Variants in ZNF536 observed in about 807,000 individuals in gnomAD.
ZNF536 encodes zinc finger protein 536.
Under a neutral mutation model 84.5 loss-of-function variants are expected in ZNF536, and 13 were observed. The observed-to-expected ratio is 0.15, with a 90% CI of 0.10 to 0.24. The LOEUF (loss-of-function observed/expected upper bound fraction) is 0.24. ZNF536 is among the 10% of genes least tolerant of loss of function. ZNF536 has a pLI of 1.00. For synonymous variants in ZNF536, 811 were observed against 742.5 expected (o/e 1.09, Z -1.50); for missense variants, 1,536 against 1,747.5 (o/e 0.88, Z 2.16).
intron 1 of ZNF536, among the ~76,000 whole-genome samples, chr19:30,621,127 G>A (rs2048466945): frequency 6.6e-6 from 1 of 151,936 alleles, no homozygotes; most frequent in Admixed American, 6.6e-5. Flanking sequence ...AGTCAGATTT[G>A]AAGAACAGCA....
chr19:30,261,314 A>G (rs1374979967), intron 1 of ZNF536, among the ~76,000 whole-genome samples: 1 of 150,000 alleles, frequency 6.7e-6, no homozygotes, highest in Non-Finnish European at 1.5e-5. Flanking sequence ...AAAAAAAAAA[A>G]AAAAAAAAGA....
intron 2 of ZNF536, among the ~76,000 whole-genome samples, chr19:30,488,920 C>G (rs2054399238): frequency 6.6e-6 from 1 of 152,194 alleles, no homozygotes; most frequent in Non-Finnish European, 1.5e-5. Flanking sequence ...TCATTTTGTG[C>G]ATGACTTCCA....
intron 2 of ZNF536, among the ~76,000 whole-genome samples, chr19:30,476,584 C>T (rs1160788848): frequency 6.6e-6 from 1 of 152,146 alleles, no homozygotes; most frequent in Non-Finnish European, 1.5e-5. Context: ...AATAAAATAC[C>T]TTTCTGAGTT....
chr19:30,597,847 TGTC>T (rs2047520581), intron 1 of ZNF536, among the ~76,000 whole-genome samples: 1 of 152,154 alleles, frequency 6.6e-6, no homozygotes. Context: ...TTGTTATTAT[TGTC>T]GTATGCATGT....
intron 1 of ZNF536, among the ~76,000 whole-genome samples, chr19:30,670,507 G>A (rs1374859395): frequency 1.3e-5 from 2 of 152,216 alleles, no homozygotes; most frequent in Non-Finnish European, 2.9e-5. Context: ...CTCAACACGG[G>A]CTGTTAATAT....
intron 3 of ZNF536, among the ~76,000 whole-genome samples, chr19:30,535,740 C>T (rs151041758): frequency 5.3e-5 from 8 of 151,996 alleles, no homozygotes; most frequent in Middle Eastern, 3.4e-3. Context: ...AAAAATCTAT[C>T]GGAGATATGG....
At chr19:30,701,962 C>T (rs1352224569) in intron 1 of ZNF536, among the ~76,000 whole-genome samples, 2 of 152,190 alleles carry the variant, frequency 1.3e-5, no homozygotes, top group Admixed American at 1.3e-4. Context: ...CAGGACTAAA[C>T]ACCACAGGGT....
chr19:30,478,924 A>AT (rs2053961054), intron 2 of ZNF536, among the ~76,000 whole-genome samples: 1 of 152,012 alleles, frequency 6.6e-6, no homozygotes, highest in South Asian at 2.1e-4. Flanking sequence ...TTGGAAACTC[A>AT]TCCTTCCGAG....
At chr19:30,681,525 G>A (rs1369949270) in intron 1 of ZNF536, among the ~76,000 whole-genome samples, 1 of 152,160 alleles carries the variant, frequency 6.6e-6, no homozygotes, top group Non-Finnish European at 1.5e-5. Context: ...GTCTTTCCCT[G>A]GTGTCCCTGG....
intron 1 of ZNF536, among the ~76,000 whole-genome samples, chr19:30,252,065 C>A (rs1173374386): frequency 6.6e-6 from 1 of 152,086 alleles, no homozygotes; most frequent in Admixed American, 6.5e-5. Flanking sequence ...GACTAATATC[C>A]AGAATCTACA....
At chr19:30,502,130 C>T (rs892915059) in intron 2 of ZNF536, among the ~76,000 whole-genome samples, 1 of 152,184 alleles carries the variant, frequency 6.6e-6, no homozygotes, top group Non-Finnish European at 1.5e-5. Flanking sequence ...CCCATCTGGT[C>T]AAATGCCAGG....
At chr19:30,565,253 C>G (rs145112728) in intron 1 of ZNF536, among the ~76,000 whole-genome samples, 1 of 151,762 alleles carries the variant, frequency 6.6e-6, no homozygotes, top group East Asian at 1.9e-4. Context: ...TTGTGACTGC[C>G]TGCCCTGCTT....
At chr19:30,645,756 C>T (rs2049442001) in intron 1 of ZNF536, among the ~76,000 whole-genome samples, 1 of 152,234 alleles carries the variant, frequency 6.6e-6, no homozygotes, top group African/African-American at 2.4e-5. Flanking sequence ...TGAGGGCCGT[C>T]TGCTAGTGGC....
At chr19:30,301,657 G>A (rs1415666738) in intron 2 of ZNF536, among the ~76,000 whole-genome samples, 8 of 152,136 alleles carry the variant, frequency 5.3e-5, no homozygotes, top group Non-Finnish European at 1.5e-5. Context: ...TTATATAACC[G>A]AATCTTTTGT....
At chr19:30,652,159 A>G (rs2049732248) in intron 1 of ZNF536, among the ~76,000 whole-genome samples, 1 of 152,244 alleles carries the variant, frequency 6.6e-6, no homozygotes, top group Non-Finnish European at 1.5e-5. Flanking sequence ...TTTAATGTTC[A>G]TTATAAAATA....
rs770658949 is a variant in ZNF536, at chr19:30,444,762, G to A, written c.1200G>A (p.Ser400=). The change falls in exon 2 of 5, where the codon TCG becomes TCA. Residue 400 remains serine (S), a synonymous_variant. Transcript: ENST00000355537. ...NHMKVHLNKL[S]VKNKSPSDPE... ...TGAAGGTCCACCTCAACAAGCTGTC[G>A]GTGAAGAACAAGTCCCCCAGCGACC... 16 of 1,614,026 alleles carry A rather than the reference G, an allele frequency of 9.9e-6. No homozygotes were observed. The highest frequency in any genetic ancestry group is 2.2e-5 in the East Asian group (1 of 44,876).
intron 3 of ZNF536, among the ~76,000 whole-genome samples, chr19:30,367,163 T>C (rs540271863): frequency 5.8e-4 from 89 of 152,286 alleles, no homozygotes; most frequent in Non-Finnish European, 1.0e-3. Flanking sequence ...ACCTCTCACC[T>C]CTGAAAGACC....
intron 1 of ZNF536, among the ~76,000 whole-genome samples, chr19:30,702,067 C>T (rs1428752895): frequency 1.3e-5 from 2 of 152,194 alleles, no homozygotes; most frequent in African/African-American, 4.8e-5. Context: ...AGACGCAGCC[C>T]CCTCTCTTCC....
At chr19:30,574,354 G>C (rs989702465) in intron 1 of ZNF536, among the ~76,000 whole-genome samples, 1 of 152,196 alleles carries the variant, frequency 6.6e-6, no homozygotes, top group African/African-American at 2.4e-5. Context: ...TCCCAGGTGG[G>C]TTCCTCTGCA....
Sources: allele counts gnomAD v4.1 joint callset (sites outside exome capture counted in the v4.1 genomes callset), GRCh38; gene constraint gnomAD v4.1.1; transcripts MANE v1.5; gene names NCBI Gene and HGNC (gene_info 2026-07-23, HGNC 2026-07-21).